NTM: variants seen among roughly 807,000 people sequenced by gnomAD.
NTM encodes the protein neurotrimin.
In NTM, 13 loss-of-function variants were observed where a neutral mutation model predicts 42.1. That is an observed-to-expected ratio of 0.31 (90% CI 0.20 to 0.49). The LOEUF (loss-of-function observed/expected upper bound fraction) is 0.49, where lower values mean the gene tolerates loss of function less well. Among genes scored for constraint, NTM ranks in the 20% least tolerant of loss-of-function variants. NTM has a pLI of 0.99. For synonymous variants in NTM, 187 were observed against 179.2 expected (o/e 1.04, Z -0.35); for missense variants, 373 against 452.8 (o/e 0.82, Z 1.60).
At chr11:132,244,148 C>A (rs2090676449) in intron 4 of NTM, among the ~76,000 whole-genome samples, 1 of 152,162 alleles carries the variant, frequency 6.6e-6, no homozygotes, top group Non-Finnish European at 1.5e-5. Flanking sequence ...CAGCCAGTGA[C>A]CCTAAGGCAG....
intron 2 of NTM, among the ~76,000 whole-genome samples, chr11:132,105,199 A>G (rs1317275733): frequency 6.6e-6 from 1 of 151,440 alleles, no homozygotes; most frequent in Non-Finnish European, 1.5e-5. Context: ...CAGCTGAAGG[A>G]GCACGAGTTG....
At chr11:131,692,241 T>C (rs1201890417) in intron 1 of NTM, among the ~76,000 whole-genome samples, 1 of 152,248 alleles carries the variant, frequency 6.6e-6, no homozygotes, top group African/African-American at 2.4e-5. Context: ...CTCTGGGTGA[T>C]GCTGGCACAG....
At chr11:131,514,425 C>G (rs1328317791) in intron 1 of NTM, among the ~76,000 whole-genome samples, 2 of 152,058 alleles carry the variant, frequency 1.3e-5, no homozygotes, top group African/African-American at 4.8e-5. Flanking sequence ...CTCAGAGTCA[C>G]CTCTCAATAA....
At chr11:131,656,690 G>A (rs1366179944) in intron 1 of NTM, among the ~76,000 whole-genome samples, 2 of 152,022 alleles carry the variant, frequency 1.3e-5, no homozygotes, top group Non-Finnish European at 2.9e-5. Flanking sequence ...AGGAGGAAGG[G>A]GCACTACCTC....
intron 1 of NTM, among the ~76,000 whole-genome samples, chr11:131,725,673 C>T (rs964038173): frequency 3.3e-5 from 5 of 152,094 alleles, no homozygotes; most frequent in East Asian, 1.9e-4. Flanking sequence ...GAGAGGAAAA[C>T]GGGGAAGCAA....
At chr11:131,946,473 A>G (rs77828137) in intron 2 of NTM, among the ~76,000 whole-genome samples, 2,761 of 152,278 alleles carry the variant, frequency 0.018, 89 homozygotes, top group African/African-American at 0.062. Context: ...CATATATGCA[A>G]TTGTTAAGAC....
intron 1 of NTM, among the ~76,000 whole-genome samples, chr11:131,725,553 C>T (rs2078861103): frequency 6.6e-6 from 1 of 151,816 alleles, no homozygotes; most frequent in South Asian, 2.1e-4. Context: ...AGGAGGCAGC[C>T]CCAAAAAGGT....
chr11:132,024,495 A>G (rs2074882572), intron 2 of NTM, among the ~76,000 whole-genome samples: 2 of 152,212 alleles, frequency 1.3e-5, no homozygotes, highest in African/African-American at 2.4e-5. Flanking sequence ...CAAATGCTAT[A>G]TAAATTTTTA....
At position 132,001,775 on chromosome 11, in the gene NTM, G is replaced by GGC. The variant is rs529273585; in HGVS notation, c.167+90128_167+90129dup. On this transcript the variant is annotated intron_variant, in intron 2 of 8. Transcript: ENST00000683400. ...TATATCATGCATATACACACAGACA[G>GGC]GCACACACACACACACACACACACA... 5.3e-3 allele frequency among the ~76,000 whole-genome samples: 700 copies of GGC among 131,110 alleles called. 9 individuals are homozygous for GGC. Among genetic ancestry groups the GGC allele is most frequent in the African/African-American group, 0.019 (668 of 34,958 alleles). The allele number at this position is 131,110 out of a possible 152,430, so 86.0% of individuals were successfully genotyped here.
intron 1 of NTM, among the ~76,000 whole-genome samples, chr11:131,628,420 G>T (rs2063330620): frequency 6.6e-6 from 1 of 152,204 alleles, no homozygotes; most frequent in African/African-American, 2.4e-5. Context: ...TTATCACCAA[G>T]AATATTTTAA....
chr11:131,458,346 A>C (rs763534729), intron 1 of NTM, among the ~76,000 whole-genome samples: 3 of 152,174 alleles, frequency 2.0e-5, no homozygotes, highest in African/African-American at 4.8e-5. Flanking sequence ...GCAGTGATGG[A>C]GACACACAGA....
At position 132,212,030 on chromosome 11, in the gene NTM, A is replaced by C; in HGVS notation, c.409A>C (p.Lys137Gln). 2 of 1,608,314 alleles carry C rather than the reference A, an allele frequency of 1.2e-6. No homozygotes were observed. The highest frequency in any genetic ancestry group is 1.7e-6 in the Non-Finnish European group (2 of 1,178,232). ...CTGTCTTGTTTCCACAGTATCTCCC[A>C]AAATTGTAGAGATTTCTTCAGATAT... ...RVHLIVQVSP[K>Q]IVEISSDISI... Residue 137 changes from lysine (K) to glutamine (Q), a missense_variant, in exon 4 of 9, where the codon AAA (lysine) becomes CAA (glutamine). This residue lies in a region of NTM where 312 missense variants were observed against 353.5 expected (regional missense o/e 0.88). Coordinates refer to ENST00000683400, the MANE Select transcript of NTM (RefSeq NM_001352005.2).
chr11:132,223,383 G>C (rs764716729), intron 4 of NTM, among the ~76,000 whole-genome samples: 4 of 152,128 alleles, frequency 2.6e-5, no homozygotes, highest in African/African-American at 9.7e-5. Context: ...TAAATAGAGT[G>C]GTAGAATGGA....
chr11:131,512,640 C>T (rs1400768982), intron 1 of NTM, among the ~76,000 whole-genome samples: 1 of 152,246 alleles, frequency 6.6e-6, no homozygotes, highest in African/African-American at 2.4e-5. Context: ...TTCTGAGCTC[C>T]TGAGCTGATG....
At chr11:132,287,605 C>A (rs2094295656) in intron 4 of NTM, among the ~76,000 whole-genome samples, 1 of 152,200 alleles carries the variant, frequency 6.6e-6, no homozygotes, top group Admixed American at 6.5e-5. Flanking sequence ...CTAAAAAATA[C>A]AATTTCAGGG....
intron 1 of NTM, among the ~76,000 whole-genome samples, chr11:131,461,188 T>C (rs1951343045): frequency 6.6e-6 from 1 of 152,218 alleles, no homozygotes; most frequent in South Asian, 2.1e-4. Flanking sequence ...GGGCAATCAC[T>C]GTTACTTTAT....
At chr11:131,660,455 G>T in intron 1 of NTM, 1 of 457,038 alleles carries the variant, frequency 2.2e-6, no homozygotes, top group South Asian at 1.6e-5. Flanking sequence ...AAGCCACCAG[G>T]TGGAAAATCA....
At chr11:131,615,399 CTT>C (rs777929825) in intron 1 of NTM, among the ~76,000 whole-genome samples, 9 of 152,090 alleles carry the variant, frequency 5.9e-5, no homozygotes, top group African/African-American at 2.2e-4. Context: ...GAGTCTCTCT[CTT>C]GTCACCCAGG....
intron 2 of NTM, among the ~76,000 whole-genome samples, chr11:132,127,431 C>T (rs2066026420): frequency 6.6e-6 from 1 of 152,202 alleles, no homozygotes; most frequent in African/African-American, 2.4e-5. Flanking sequence ...GCAGTCTTGG[C>T]GATGCTGACC....
Sources: gnomAD v4.1 joint callset for allele counts (sites outside exome capture counted in the v4.1 genomes callset) on GRCh38, gnomAD v4.1.1 for gene constraint, gnomAD v4.1.1 regional missense constraint, MANE v1.5 for transcripts, NCBI Gene and HGNC (gene_info 2026-07-23, HGNC 2026-07-21) for gene names.